KIF26B: variants seen among roughly 807,000 people sequenced by gnomAD.
KIF26B encodes kinesin-like protein KIF26B.
Under a neutral mutation model 151.2 loss-of-function variants are expected in KIF26B, and 63 were observed. That is an observed-to-expected ratio of 0.42 (90% CI 0.34 to 0.51). The LOEUF (loss-of-function observed/expected upper bound fraction) is 0.51, where lower values mean the gene tolerates loss of function less well. Among genes scored for constraint, KIF26B ranks in the 20% least tolerant of loss-of-function variants. The probability of loss-of-function intolerance (pLI) is 0.07; values close to 1 mark genes in which losing one functional copy is unlikely to be tolerated. For missense variants in KIF26B, 2,813 were observed against 2,913.6 expected (o/e 0.97, Z 0.79); for synonymous variants, 1,357 against 1,262.1 (o/e 1.08, Z -1.59).
At chr1:245,464,336 A>G (rs1659716550) in intron 4 of KIF26B, among the ~76,000 whole-genome samples, 1 of 151,938 alleles carries the variant, frequency 6.6e-6, no homozygotes, top group Non-Finnish European at 1.5e-5. Context: ...CGACCCAGTG[A>G]GCACGTGTGT....
intron 2 of KIF26B, among the ~76,000 whole-genome samples, chr1:245,178,848 GC>G (rs1199301121): frequency 5.9e-5 from 9 of 152,230 alleles, no homozygotes; most frequent in African/African-American, 4.8e-5. Flanking sequence ...GGCAAGTGGG[GC>G]CGGCTCTACA....
At chr1:245,192,908 T>C (rs1669134162) in intron 2 of KIF26B, among the ~76,000 whole-genome samples, 1 of 152,240 alleles carries the variant, frequency 6.6e-6, no homozygotes, top group East Asian at 1.9e-4. Flanking sequence ...TTTTTTACTT[T>C]TAGTCTCAGG....
chr1:245,256,252 A>G (rs1441383278), intron 2 of KIF26B, among the ~76,000 whole-genome samples: 2 of 152,188 alleles, frequency 1.3e-5, no homozygotes, highest in Non-Finnish European at 2.9e-5. Context: ...TATGGCTAAC[A>G]TTTTGGGATT....
intron 4 of KIF26B, among the ~76,000 whole-genome samples, chr1:245,471,458 A>G (rs1204056237): frequency 6.6e-6 from 1 of 152,174 alleles, no homozygotes; most frequent in African/African-American, 2.4e-5. Flanking sequence ...TTAACTCTAG[A>G]TGACTAAAAG....
At chr1:245,324,440 G>T (rs1465551270) in intron 2 of KIF26B, among the ~76,000 whole-genome samples, 2 of 152,170 alleles carry the variant, frequency 1.3e-5, no homozygotes, top group Non-Finnish European at 2.9e-5. Flanking sequence ...CAGTCAAAAT[G>T]TTTACTATGA....
intron 3 of KIF26B, among the ~76,000 whole-genome samples, chr1:245,387,967 A>G (rs946870691): frequency 1.3e-5 from 2 of 152,044 alleles, no homozygotes; most frequent in Non-Finnish European, 2.9e-5. Flanking sequence ...GCGTGCTTCT[A>G]TTTTTGAGGC....
chr1:245,157,875 G>C (rs1668472414), intron 2 of KIF26B, among the ~76,000 whole-genome samples: 1 of 152,206 alleles, frequency 6.6e-6, no homozygotes, highest in African/African-American at 2.4e-5. Flanking sequence ...AGATTTATTT[G>C]CTCTCGTGAT....
At chr1:245,680,566 C>T (rs184908915) in intron 10 of KIF26B, among the ~76,000 whole-genome samples, 4 of 152,140 alleles carry the variant, frequency 2.6e-5, no homozygotes, top group African/African-American at 7.2e-5. Context: ...GATGTTCTCT[C>T]TCAATTCTGT....
Position 245,242,864 on chromosome 1 carries a change from C to A in KIF26B, c.465+86181C>A, listed in dbSNP as rs147476431. 9.3e-4 allele frequency among the ~76,000 whole-genome samples: 142 copies of A among 152,256 alleles called. 1 individual carries two copies. The highest frequency in any genetic ancestry group is 2.6e-3 in the African/African-American group (107 of 41,546). ...ACGGGGTTTCACCATGTTGCTCAGGCTGGTCTCGAACTCCTGACATCATGA... is the reference window on the plus strand; with the variant it reads ...ACGGGGTTTCACCATGTTGCTCAGGATGGTCTCGAACTCCTGACATCATGA... On this transcript the variant is annotated intron_variant, in intron 2 of 14. Transcript: ENST00000407071.
At chr1:245,491,117 A>G (rs1660400053) in intron 4 of KIF26B, among the ~76,000 whole-genome samples, 1 of 152,018 alleles carries the variant, frequency 6.6e-6, no homozygotes, top group African/African-American at 2.4e-5. Flanking sequence ...AAATCACTGA[A>G]CAGATTTAAT....
intron 2 of KIF26B, among the ~76,000 whole-genome samples, chr1:245,200,111 C>A (rs1573703983): frequency 6.6e-6 from 1 of 152,160 alleles, no homozygotes; most frequent in South Asian, 2.1e-4. Context: ...CTCGTTAATC[C>A]CACACGACTA....
At chr1:245,469,114 A>C (rs1305674905) in intron 4 of KIF26B, among the ~76,000 whole-genome samples, 1 of 152,232 alleles carries the variant, frequency 6.6e-6, no homozygotes, top group Non-Finnish European at 1.5e-5. Context: ...TGCAACGTAA[A>C]TGACCTCCCT....
At chr1:245,460,673 C>T (rs1659626575) in intron 4 of KIF26B, among the ~76,000 whole-genome samples, 1 of 152,214 alleles carries the variant, frequency 6.6e-6, no homozygotes. Context: ...CAAAGAAATG[C>T]AACGATGACA....
At chr1:245,319,310 C>T (rs953829369) in intron 2 of KIF26B, among the ~76,000 whole-genome samples, 16 of 152,188 alleles carry the variant, frequency 1.1e-4, no homozygotes, top group African/African-American at 3.9e-4. Context: ...TAACAGCCTG[C>T]GGAAGAGTGG....
chr1:245,181,527 G>A (rs114112582), intron 2 of KIF26B, among the ~76,000 whole-genome samples: 2 of 61,962 alleles, frequency 3.2e-5, no homozygotes, highest in South Asian at 5.1e-4. Flanking sequence ...AAAAAAAAAA[G>A]CCAAAAAAAA....
intron 3 of KIF26B, among the ~76,000 whole-genome samples, chr1:245,400,919 A>C (rs902100172): frequency 2.6e-5 from 4 of 152,148 alleles, no homozygotes; most frequent in African/African-American, 7.2e-5. Context: ...ACCAAAAAAA[A>C]CCCAACTCAT....
intron 10 of KIF26B, among the ~76,000 whole-genome samples, chr1:245,652,525 T>C (rs552504446): frequency 6.6e-6 from 1 of 152,288 alleles, no homozygotes; most frequent in South Asian, 2.1e-4. Flanking sequence ...TCTTCATATT[T>C]AGCTATAGAA....
At chr1:245,695,224 T>C (rs139654121) in intron 12 of KIF26B, among the ~76,000 whole-genome samples, 214 of 152,286 alleles carry the variant, frequency 1.4e-3, no homozygotes, top group African/African-American at 4.9e-3. Flanking sequence ...GGGTCAGTCT[T>C]TCTTTGCCCA....
intron 10 of KIF26B, among the ~76,000 whole-genome samples, chr1:245,672,388 A>G (rs1261614769): frequency 1.3e-5 from 2 of 152,210 alleles, no homozygotes; most frequent in Non-Finnish European, 2.9e-5. Context: ...TGCGCATGAA[A>G]TCACAGGAAG....
Sources: allele counts gnomAD v4.1 joint callset (sites outside exome capture counted in the v4.1 genomes callset), GRCh38; gene constraint gnomAD v4.1.1; transcripts MANE v1.5; gene names NCBI Gene and HGNC (gene_info 2026-07-23, HGNC 2026-07-21).